Variants in CSMD3 observed in about 807,000 individuals in gnomAD.
CSMD3 encodes CUB and sushi domain-containing protein 3.
CSMD3 carries 177 observed loss-of-function variants against 435.2 expected under a neutral mutation model. The observed-to-expected ratio is 0.41, with a 90% CI of 0.36 to 0.46. CSMD3 has a LOEUF of 0.46. CSMD3 is among the 20% of genes least tolerant of loss of function. The pLI is 0.34. For synonymous variants in CSMD3, 1,656 were observed against 1,520.5 expected (o/e 1.09, Z -2.07); for missense variants, 4,265 against 4,504.6 (o/e 0.95, Z 1.52).
chr8:113,307,096 T>C (rs2093827496), intron 2 of CSMD3, among the ~76,000 whole-genome samples: 1 of 151,948 alleles, frequency 6.6e-6, no homozygotes, highest in Non-Finnish European at 1.5e-5. Context: ...GGTATAAAAA[T>C]ATTATATATA....
intron 9 of CSMD3, among the ~76,000 whole-genome samples, chr8:112,933,056 T>C (rs1012929699): frequency 6.6e-6 from 1 of 152,140 alleles, no homozygotes; most frequent in Admixed American, 6.6e-5. Context: ...TAGGCAAATT[T>C]AGTATCAGTT....
chr8:112,680,987 A>G (rs538540504), intron 16 of CSMD3, among the ~76,000 whole-genome samples: 1 of 151,898 alleles, frequency 6.6e-6, no homozygotes, highest in African/African-American at 2.4e-5. Context: ...TTAGACAGTT[A>G]TAGTTCATCT....
chr8:112,341,497 C>T lies in CSMD3; in HGVS notation c.6632G>A (p.Gly2211Glu), dbSNP rs768234281. 1.2e-6 allele frequency: 2 copies of T among 1,609,222 alleles called. No individual in the cohort carries two copies. The highest frequency in any genetic ancestry group is 2.7e-5 in the African/African-American group (2 of 74,660). ...FHSDYSQNKQ[G>E]FHIVYQAYQL... The stretch of plus-strand genomic sequence containing the variant: ...CTTACCTTGGTATACAATATGAAAC[C>T]CTTGTTTGTTTTGTGAATAGTCACT... The change falls in exon 42 of 71, where the codon GGG becomes GAG. Residue 2211 changes from glycine to glutamate, a missense_variant. Physicochemically the swap from Gly to Glu is moderately conservative, Grantham distance 98. Transcript: ENST00000297405.
chr8:112,657,455 G>A (rs2075284034), intron 17 of CSMD3, among the ~76,000 whole-genome samples: 1 of 152,092 alleles, frequency 6.6e-6, no homozygotes, highest in South Asian at 2.1e-4. Flanking sequence ...ATTCTATGAT[G>A]TCTGATCTTA....
chr8:112,621,289 C>T lies in CSMD3; in HGVS notation c.3715+15528G>A, dbSNP rs560057905. On this transcript the variant is annotated intron_variant, in intron 22 of 70. Transcript: ENST00000297405. ...AATAAAAATATATATGGCAAAATAT[C>T]AATAATTGTTAAACCCAGATAGTAC... Among the ~76,000 whole-genome samples, 14 of 152,026 alleles carry T rather than the reference C, an allele frequency of 9.2e-5. No individual in the cohort carries two copies. In the South Asian group the frequency reaches 2.9e-3, roughly 32 times the overall value.
intron 10 of CSMD3, among the ~76,000 whole-genome samples, chr8:112,916,536 A>C (rs1478668150): frequency 2.6e-5 from 4 of 151,870 alleles, no homozygotes; most frequent in Non-Finnish European, 4.4e-5. Flanking sequence ...CTCCTTCACC[A>C]TATGTCACTC....
chr8:112,491,464 G>A (rs751938906), intron 31 of CSMD3, among the ~76,000 whole-genome samples: 17 of 151,822 alleles, frequency 1.1e-4, no homozygotes, highest in Non-Finnish European at 1.8e-4. Context: ...AGACCAGCCT[G>A]AGCAACATTG....
intron 1 of CSMD3, among the ~76,000 whole-genome samples, chr8:113,366,196 C>A (rs577886801): frequency 3.9e-5 from 6 of 152,000 alleles, no homozygotes; most frequent in Admixed American, 1.3e-4. Flanking sequence ...GTATTGTTTG[C>A]TTCTATTTTT....
chr8:113,062,235 A>C (rs1250110057), intron 5 of CSMD3, among the ~76,000 whole-genome samples: 2 of 151,906 alleles, frequency 1.3e-5, no homozygotes, highest in African/African-American at 4.8e-5. Context: ...CATTTCATCA[A>C]GTTACATATA....
At chr8:112,682,722 G>C in intron 15 of CSMD3, 86 bp from the exon 16 acceptor site, 1 of 924,464 alleles carries the variant, frequency 1.1e-6, no homozygotes, top group Non-Finnish European at 1.8e-6. Context: ...AAGAGAGAGA[G>C]AGAAAGAGAT....
At chr8:112,395,364 AT>A (rs1830773868) in intron 35 of CSMD3, among the ~76,000 whole-genome samples, 1 of 152,188 alleles carries the variant, frequency 6.6e-6, no homozygotes, top group Admixed American at 6.6e-5. Flanking sequence ...AATGCCAAAA[AT>A]TGCTATTTAT....
At chr8:113,361,272 ACATT>A (rs1186130225) in intron 1 of CSMD3, among the ~76,000 whole-genome samples, 4 of 152,286 alleles carry the variant, frequency 2.6e-5, no homozygotes, top group African/African-American at 7.2e-5. Flanking sequence ...CAGTGCTCAT[ACATT>A]AATTTTAAAA....
chr8:112,538,051 G>A (rs979260165), intron 27 of CSMD3, among the ~76,000 whole-genome samples: 2 of 151,860 alleles, frequency 1.3e-5, no homozygotes, highest in African/African-American at 4.8e-5. Flanking sequence ...TCAAATCAGT[G>A]AACAGGATAC....
intron 60 of CSMD3, among the ~76,000 whole-genome samples, chr8:112,264,891 A>ATAAAGTAGCAAATTTATGGCTGTATTGAC (rs1816789784): frequency 6.6e-6 from 1 of 152,148 alleles, no homozygotes. Flanking sequence ...AACAAACAGC[A>ATAAAGTAGCAAATTTATGGCTGTATTGAC]TAAAGTAGCA....
chr8:113,151,692 G>T (rs993071254), intron 4 of CSMD3, among the ~76,000 whole-genome samples: 1 of 151,914 alleles, frequency 6.6e-6, no homozygotes, highest in Non-Finnish European at 1.5e-5. Flanking sequence ...ATTGACAATA[G>T]AATCAAACAA....
intron 38 of CSMD3, among the ~76,000 whole-genome samples, chr8:112,369,455 C>T (rs1828107343): frequency 6.6e-6 from 1 of 152,034 alleles, no homozygotes; most frequent in South Asian, 2.1e-4. Flanking sequence ...TGTTAGAAGT[C>T]AGGTATTTGG....
chr8:112,491,830 G>A (rs1820729066), intron 31 of CSMD3, among the ~76,000 whole-genome samples: 1 of 152,072 alleles, frequency 6.6e-6, no homozygotes, highest in South Asian at 2.1e-4. Flanking sequence ...GGGGAAATCT[G>A]TCCTAGATGA....
intron 31 of CSMD3, among the ~76,000 whole-genome samples, chr8:112,474,897 G>GA (rs1027274102): frequency 1.1e-4 from 17 of 151,968 alleles, no homozygotes; most frequent in Admixed American, 3.3e-4. Context: ...GAATTATCTA[G>GA]AAAAAACAAC....
At chr8:112,905,295 ATATAC>A (rs1315966415) in intron 10 of CSMD3, among the ~76,000 whole-genome samples, 2 of 129,474 alleles carry the variant, frequency 1.5e-5, no homozygotes, top group African/African-American at 6.0e-5. Context: ...TTTATTAAAC[ATATAC>A]TATGTGTATA....
Sources: allele counts gnomAD v4.1 joint callset (sites outside exome capture counted in the v4.1 genomes callset), GRCh38; gene constraint gnomAD v4.1.1; transcripts MANE v1.5; gene names NCBI Gene and HGNC (gene_info 2026-07-23, HGNC 2026-07-21).